THSD7B: variants seen among roughly 807,000 people sequenced by gnomAD.
The protein encoded by THSD7B is thrombospondin type-1 domain-containing protein 7B.
A neutral mutation model predicts 213.6 loss-of-function variants in THSD7B; 138 were observed. The ratio of observed to expected loss-of-function variants is 0.65; its 90% CI spans 0.56 to 0.74. The LOEUF (loss-of-function observed/expected upper bound fraction) is 0.74. Among genes scored for constraint, THSD7B ranks in the 30% least tolerant of loss-of-function variants. THSD7B has a pLI of 0.00. For missense variants in THSD7B, 1,931 were observed against 1,991.5 expected (o/e 0.97, Z 0.58); for synonymous variants, 742 against 687.0 (o/e 1.08, Z -1.25).
At chr2:137,670,326 G>A (rs182009870) in intron 27 of THSD7B, among the ~76,000 whole-genome samples, 38 of 152,124 alleles carry the variant, frequency 2.5e-4, no homozygotes, top group African/African-American at 8.9e-4. Flanking sequence ...GTCATGTTTT[G>A]GCTGCCTCAC....
chr2:137,331,897 T>TCCAAGTGCGGGCCCG (rs1479543297), intron 12 of THSD7B, among the ~76,000 whole-genome samples: 1 of 151,662 alleles, frequency 6.6e-6, no homozygotes, highest in African/African-American at 2.4e-5. Context: ...GGCCGGCTGC[T>TCCAAGTGCGGGCCCG]CCAAGTGCGG....
intron 1 of THSD7B, among the ~76,000 whole-genome samples, chr2:136,782,213 A>C (rs577517205): frequency 6.6e-6 from 1 of 152,202 alleles, no homozygotes; most frequent in East Asian, 1.9e-4. Context: ...TTTACCTGCG[A>C]TGTGTGCGGA....
At chr2:136,897,899 G>A (rs1375103465) in intron 2 of THSD7B, among the ~76,000 whole-genome samples, 1 of 152,082 alleles carries the variant, frequency 6.6e-6, no homozygotes, top group African/African-American at 2.4e-5. Context: ...GCTAGACACA[G>A]AGTGCTGATT....
chr2:137,380,379 C>T (rs2104962803), intron 12 of THSD7B, among the ~76,000 whole-genome samples: 1 of 152,260 alleles, frequency 6.6e-6, no homozygotes, highest in African/African-American at 2.4e-5. Flanking sequence ...TAGAGTTAGT[C>T]TTCTTTTCCA....
chr2:137,200,260 A>G (rs181707466), intron 7 of THSD7B, among the ~76,000 whole-genome samples: 2 of 152,204 alleles, frequency 1.3e-5, no homozygotes, highest in East Asian at 3.9e-4. Flanking sequence ...TGAGTATGAT[A>G]TGGATGCTGT....
intron 12 of THSD7B, among the ~76,000 whole-genome samples, chr2:137,382,205 G>A (rs143843428): frequency 6.6e-6 from 1 of 152,282 alleles, no homozygotes; most frequent in African/African-American, 2.4e-5. Context: ...TTGCCTCAGT[G>A]CTATATGCCT....
chr2:137,477,638 GT>G (rs1688220500), intron 15 of THSD7B, among the ~76,000 whole-genome samples: 1 of 151,536 alleles, frequency 6.6e-6, no homozygotes, highest in Non-Finnish European at 1.5e-5. Context: ...AGTTTGGTGG[GT>G]TTTTATAGTG....
intron 2 of THSD7B, among the ~76,000 whole-genome samples, chr2:136,917,990 A>G (rs2105031045): frequency 6.6e-6 from 1 of 152,308 alleles, no homozygotes; most frequent in East Asian, 1.9e-4. Context: ...ATCTGAGGAA[A>G]ATTTGAATCT....
intron 15 of THSD7B, among the ~76,000 whole-genome samples, chr2:137,518,103 G>A (rs553020813): frequency 3.3e-5 from 5 of 152,128 alleles, no homozygotes; most frequent in South Asian, 2.1e-4. Context: ...AAGCAGTCCC[G>A]AAGGCACAAG....
chr2:137,571,761 C>T (rs1488597719), intron 16 of THSD7B, among the ~76,000 whole-genome samples: 1 of 152,158 alleles, frequency 6.6e-6, no homozygotes, highest in Non-Finnish European at 1.5e-5. Flanking sequence ...ACCCATGATG[C>T]ATACATCTGT....
intron 17 of THSD7B, among the ~76,000 whole-genome samples, chr2:137,575,782 T>A (rs934328275): frequency 6.6e-6 from 1 of 150,864 alleles, no homozygotes; most frequent in African/African-American, 2.4e-5. Context: ...AATGCTTTAC[T>A]ATGAAAGGAA....
intron 1 of THSD7B, among the ~76,000 whole-genome samples, chr2:136,791,853 G>A (rs1221440179): frequency 6.6e-6 from 1 of 152,012 alleles, no homozygotes; most frequent in Non-Finnish European, 1.5e-5. Flanking sequence ...GAACATTTAT[G>A]TAGTGTTTGT....
chr2:136,810,263 G>T (rs1430930849), intron 1 of THSD7B, among the ~76,000 whole-genome samples: 1 of 152,156 alleles, frequency 6.6e-6, no homozygotes, highest in African/African-American at 2.4e-5. Flanking sequence ...CCAGAGAGTA[G>T]TCTTTCAAAG....
chr2:137,172,104 C>T (rs753101478), intron 7 of THSD7B, among the ~76,000 whole-genome samples: 6 of 152,136 alleles, frequency 3.9e-5, no homozygotes, highest in African/African-American at 1.2e-4. Context: ...TCTAATAAGA[C>T]GTATATTTTT....
At chr2:137,151,368 C>T (rs548579140) in intron 5 of THSD7B, among the ~76,000 whole-genome samples, 5 of 151,982 alleles carry the variant, frequency 3.3e-5, no homozygotes, top group African/African-American at 1.2e-4. Flanking sequence ...GACACAAACA[C>T]ACACATTACC....
chr2:137,588,780 A>G (rs1681800356), intron 17 of THSD7B, among the ~76,000 whole-genome samples: 1 of 150,536 alleles, frequency 6.6e-6, no homozygotes, highest in Non-Finnish European at 1.5e-5. Flanking sequence ...TTATTTATTT[A>G]TTTATTTATT....
At chr2:137,488,272 C>T (rs1000983840) in intron 15 of THSD7B, among the ~76,000 whole-genome samples, 27 of 151,938 alleles carry the variant, frequency 1.8e-4, no homozygotes, top group African/African-American at 6.5e-4. Context: ...ATTTAATTAA[C>T]TATTAAGGTA....
At chr2:137,242,663 CT>C (rs766245581) in intron 10 of THSD7B, 91 bp downstream of exon 10, 59,882 of 600,110 alleles carry the variant, frequency 0.1, 92 homozygotes, top group South Asian at 0.13. Flanking sequence ...ATGTGAGCAC[CT>C]TTTTTTTTTT....
chr2:137,171,970 G>GCA (rs34540578), intron 7 of THSD7B, among the ~76,000 whole-genome samples: 7,011 of 152,250 alleles, frequency 0.046, 195 homozygotes, highest in Admixed American at 0.069. Flanking sequence ...ATTAGCTACA[G>GCA]CAGAGTTAAA....
Sources: allele counts gnomAD v4.1 joint callset (sites outside exome capture counted in the v4.1 genomes callset), GRCh38; gene constraint gnomAD v4.1.1; transcripts MANE v1.5; gene names NCBI Gene and HGNC (gene_info 2026-07-23, HGNC 2026-07-21).